The following PALLD variants were observed in gnomAD, a reference collection of about 807,000 sequenced individuals.
The protein encoded by PALLD is palladin, cytoskeletal associated protein, also known as palladin.
PALLD carries 61 observed loss-of-function variants against 123.5 expected under a neutral mutation model. The observed-to-expected ratio is 0.49, with a 90% CI of 0.40 to 0.61. PALLD has a LOEUF of 0.61. Ranked by LOEUF, PALLD falls within the 20% of genes least tolerant of loss-of-function variation. The pLI is 0.00. For missense variants in PALLD, 1,273 were observed against 1,377.0 expected, an observed-to-expected ratio of 0.92 and a Z score of 1.20; for synonymous variants, 465 against 496.4, an observed-to-expected ratio of 0.94 and a Z score of 0.84.
At chr4:168,626,541 C>T (rs1046912442) in intron 2 of PALLD, among the ~76,000 whole-genome samples, 5 of 151,544 alleles carry the variant, frequency 3.3e-5, no homozygotes, top group Admixed American at 3.3e-4. Context: ...GAAACCCATG[C>T]CTCTATTAAA....
At chr4:168,589,734 G>A (rs920473564) in intron 2 of PALLD, among the ~76,000 whole-genome samples, 2 of 152,190 alleles carry the variant, frequency 1.3e-5, no homozygotes, top group African/African-American at 4.8e-5. Flanking sequence ...GATATTAGTT[G>A]AGCCTCACTC....
chr4:168,700,044 G>T, intron 8 of PALLD: 1 of 327,832 alleles, frequency 3.1e-6, no homozygotes, highest in Non-Finnish European at 6.1e-6. Flanking sequence ...TTGTTCGAGT[G>T]AGATGCCACC....
At chr4:168,746,426 A>C (rs1730330452) in intron 10 of PALLD, among the ~76,000 whole-genome samples, 1 of 146,812 alleles carries the variant, frequency 6.8e-6, no homozygotes, top group South Asian at 2.2e-4. Context: ...GGGACTTCAA[A>C]CCTTAGTGCT....
chr4:168,596,641 G>A (rs1772003313), intron 2 of PALLD, among the ~76,000 whole-genome samples: 1 of 150,356 alleles, frequency 6.7e-6, no homozygotes, highest in Admixed American at 6.7e-5. Context: ...GTCACTTCTT[G>A]ACAAGGAAAA....
At chr4:168,772,120 G>A (rs1268038654) in intron 10 of PALLD, among the ~76,000 whole-genome samples, 1 of 152,032 alleles carries the variant, frequency 6.6e-6, no homozygotes, top group Non-Finnish European at 1.5e-5. Flanking sequence ...ACAGCCTTGC[G>A]AAATAGGACT....
At chr4:168,509,461 T>G (rs1762327311) in intron 1 of PALLD, among the ~76,000 whole-genome samples, 1 of 152,212 alleles carries the variant, frequency 6.6e-6, no homozygotes, top group Non-Finnish European at 1.5e-5. Flanking sequence ...TGCCTGTTTC[T>G]CATGAAGAAA....
intron 10 of PALLD, among the ~76,000 whole-genome samples, chr4:168,720,859 T>C (rs2150259145): frequency 1.3e-5 from 2 of 152,326 alleles, no homozygotes; most frequent in Admixed American, 1.3e-4. Context: ...TAAAACTTTT[T>C]TAACTAAGTA....
intron 2 of PALLD, among the ~76,000 whole-genome samples, chr4:168,582,818 G>T (rs1580422438): frequency 6.6e-6 from 1 of 152,034 alleles, no homozygotes; most frequent in Non-Finnish European, 1.5e-5. Context: ...CTATGAATTT[G>T]GTTTGCTGGT....
intron 14 of PALLD, among the ~76,000 whole-genome samples, chr4:168,900,218 C>A (rs570025701): frequency 6.6e-6 from 1 of 152,252 alleles, no homozygotes; most frequent in African/African-American, 2.4e-5. Flanking sequence ...CCGTCACCTC[C>A]CGCCAGGCCC....
chr4:168,505,380 T>C (rs1330484681), intron 1 of PALLD, among the ~76,000 whole-genome samples: 1 of 152,206 alleles, frequency 6.6e-6, no homozygotes, highest in African/African-American at 2.4e-5. Flanking sequence ...ACATTAAGAA[T>C]TGAAAATGTT....
intron 1 of PALLD, among the ~76,000 whole-genome samples, chr4:168,501,777 T>G (rs977993520): frequency 6.6e-6 from 1 of 152,164 alleles, no homozygotes; most frequent in Non-Finnish European, 1.5e-5. Context: ...TCTTGTGACT[T>G]TCACCACCCT....
At chr4:168,516,945 G>C (rs919481166) in intron 2 of PALLD, among the ~76,000 whole-genome samples, 3 of 152,104 alleles carry the variant, frequency 2.0e-5, no homozygotes, top group Non-Finnish European at 4.4e-5. Context: ...TTTTAAGGTG[G>C]GTATAGTTAG....
chr4:168,544,374 A>G (rs1765938941), intron 2 of PALLD, among the ~76,000 whole-genome samples: 1 of 152,256 alleles, frequency 6.6e-6, no homozygotes, highest in Non-Finnish European at 1.5e-5. Context: ...CTTGAGTAGT[A>G]TAATATTGCA....
At chr4:168,898,349 G>T in intron 13 of PALLD, 144 bp from the exon 14 acceptor site, 16 of 680,994 alleles carry the variant, frequency 2.3e-5, no homozygotes, top group Middle Eastern at 7.8e-4. Context: ...TGTTTCATAT[G>T]CAATTGAATT....
intron 2 of PALLD, among the ~76,000 whole-genome samples, chr4:168,609,016 A>T (rs190222850): frequency 3.9e-5 from 6 of 152,162 alleles, no homozygotes; most frequent in Admixed American, 2.0e-4. Context: ...GAGTAGAATT[A>T]TCTCCAAGGC....
At chr4:168,534,027 G>A (rs1764863285) in intron 2 of PALLD, among the ~76,000 whole-genome samples, 1 of 152,174 alleles carries the variant, frequency 6.6e-6, no homozygotes, top group Non-Finnish European at 1.5e-5. Flanking sequence ...TGGTTCATCA[G>A]GTTGTTCTCA....
intron 10 of PALLD, among the ~76,000 whole-genome samples, chr4:168,848,111 T>C (rs935149840): frequency 1.7e-4 from 26 of 152,098 alleles, no homozygotes; most frequent in Admixed American, 4.6e-4. Flanking sequence ...AGGTGGTGAC[T>C]GAGGACTGAG....
At chr4:168,906,613 A>G (rs1757855335) in intron 15 of PALLD, among the ~76,000 whole-genome samples, 1 of 152,156 alleles carries the variant, frequency 6.6e-6, no homozygotes, top group Non-Finnish European at 1.5e-5. Flanking sequence ...ATCAATTAGA[A>G]TAAAAAAGAA....
At chr4:168,588,448 G>A (rs1030588631) in intron 2 of PALLD, among the ~76,000 whole-genome samples, 2 of 151,940 alleles carry the variant, frequency 1.3e-5, no homozygotes, top group African/African-American at 4.8e-5. Context: ...CTGTCACCCA[G>A]GCTGGAGTGC....
Sources: allele counts gnomAD v4.1 joint callset (sites outside exome capture counted in the v4.1 genomes callset), GRCh38; gene constraint gnomAD v4.1.1; transcripts MANE v1.5; gene names NCBI Gene and HGNC (gene_info 2026-07-23, HGNC 2026-07-21).